Variants in C1orf105 observed in about 807,000 individuals in gnomAD.
C1orf105 encodes the protein chromosome 1 open reading frame 105.
A neutral mutation model predicts 20.8 loss-of-function variants in C1orf105; 17 were observed. The observed-to-expected ratio is 0.82, with a 90% CI of 0.56 to 1.23. The LOEUF (loss-of-function observed/expected upper bound fraction) is 1.23. C1orf105 is among the 50% of genes most tolerant of loss of function. C1orf105 has a pLI of 0.00. For missense variants in C1orf105, 219 were observed against 213.5 expected (o/e 1.03, Z -0.16); for synonymous variants, 72 against 72.1 (o/e 1.00, Z 0.01).
chr1:172,443,125 G>T, intron 1 of C1orf105: 1 of 168,170 alleles, frequency 5.9e-6, no homozygotes. Flanking sequence ...TGGTAAAAAA[G>T]CTGAGATTCA....
chr1:172,433,012 G>A (rs897152337), intron 1 of C1orf105, among the ~76,000 whole-genome samples: 9 of 152,152 alleles, frequency 5.9e-5, no homozygotes, highest in Admixed American at 5.2e-4. Flanking sequence ...GGAAGAAAAG[G>A]TATCAGTGAT....
chr1:172,446,632 G>C (rs1178102834), intron 2 of C1orf105, among the ~76,000 whole-genome samples: 1 of 152,206 alleles, frequency 6.6e-6, no homozygotes, highest in African/African-American at 2.4e-5. Flanking sequence ...CAGCAGCGAA[G>C]AGCAAAGTAT....
chr1:172,462,762 T>G (rs1220394859), intron 5 of C1orf105, among the ~76,000 whole-genome samples: 3 of 152,116 alleles, frequency 2.0e-5, no homozygotes, highest in Non-Finnish European at 4.4e-5. Flanking sequence ...TGTTTTGTTT[T>G]GTTTGGTTTG....
In C1orf105 at chr1:172,445,060, T is replaced by C. The variant is rs766307773; in HGVS notation, c.22-13T>C. The C allele has an allele frequency of 7.9e-5, 127 of 1,601,218 alleles. No homozygotes were observed. Among genetic ancestry groups the C allele is most frequent in the Non-Finnish European group, 1.0e-4 (118 of 1,170,398 alleles). On this transcript the variant is annotated splice_polypyrimidine_tract_variant and intron_variant, in intron 1 of 6. Transcript: ENST00000367727. ...GTGATATATTCTGTAAAATGTTCTC[T>C]ATTTCCCTCTAGGCTTCTGTTCCAA...
At chr1:172,435,089 A>C (rs1264934161) in intron 1 of C1orf105, among the ~76,000 whole-genome samples, 4 of 152,250 alleles carry the variant, frequency 2.6e-5, no homozygotes, top group African/African-American at 9.6e-5. Context: ...AGGCTCTGAA[A>C]TTGAAGAAAT....
intron 1 of C1orf105, among the ~76,000 whole-genome samples, chr1:172,433,224 C>G (rs569988758): frequency 1.3e-5 from 2 of 152,200 alleles, no homozygotes; most frequent in South Asian, 2.1e-4. Context: ...CAAGGCAGGC[C>G]AACATTCAAA....
chr1:172,429,282 C>T (rs888386720), intron 1 of C1orf105, among the ~76,000 whole-genome samples: 1 of 152,010 alleles, frequency 6.6e-6, no homozygotes, highest in African/African-American at 2.4e-5. Flanking sequence ...ACACACACAA[C>T]GTGCATAGCA....
chr1:172,453,551 G>A (rs979568932), intron 3 of C1orf105, among the ~76,000 whole-genome samples: 1 of 152,088 alleles, frequency 6.6e-6, no homozygotes, highest in African/African-American at 2.4e-5. Flanking sequence ...TCTATATTTA[G>A]ACCTCATAAT....
At chr1:172,433,930 C>T (rs1269845161) in intron 1 of C1orf105, among the ~76,000 whole-genome samples, 1 of 150,796 alleles carries the variant, frequency 6.6e-6, no homozygotes, top group Non-Finnish European at 1.5e-5. Context: ...AAATGGAAAG[C>T]AAAAAAAAGC....
chr1:172,438,930 T>C (rs571528691), intron 1 of C1orf105, among the ~76,000 whole-genome samples: 2 of 152,236 alleles, frequency 1.3e-5, no homozygotes, highest in African/African-American at 4.8e-5. Flanking sequence ...GCTCAGATGA[T>C]TGTTCGCATT....
chr1:172,466,568 TCACATACACACACACA>T (rs1468969386), intron 6 of C1orf105, among the ~76,000 whole-genome samples: 3 of 119,634 alleles, frequency 2.5e-5, no homozygotes, highest in East Asian at 2.5e-4. Context: ...AAGGAATGAA[TCACATACACACACACA>T]CACACACACA....
At chr1:172,429,356 GCTATTTAC>G (rs1298576555) in intron 1 of C1orf105, among the ~76,000 whole-genome samples, 1 of 152,150 alleles carries the variant, frequency 6.6e-6, no homozygotes, top group Non-Finnish European at 1.5e-5. Flanking sequence ...ACCCCAGTAT[GCTATTTAC>G]CTCCTGAATT....
chr1:172,442,154 G>C, intron 1 of C1orf105: 5 of 1,614,222 alleles, frequency 3.1e-6, no homozygotes, highest in Non-Finnish European at 4.2e-6. Context: ...TGGCCTAACA[G>C]CATGAAGACT....
intron 4 of C1orf105, among the ~76,000 whole-genome samples, chr1:172,461,764 C>A (rs1649709021): frequency 6.6e-6 from 1 of 152,106 alleles, no homozygotes; most frequent in African/African-American, 2.4e-5. Context: ...ATTAGGGAAC[C>A]CAGACATTAC....
chr1:172,459,871 A>G (rs912311152), intron 4 of C1orf105, among the ~76,000 whole-genome samples: 1 of 152,206 alleles, frequency 6.6e-6, no homozygotes, highest in Non-Finnish European at 1.5e-5. Context: ...ATCATAAAAA[A>G]GAATGAAATA....
chr1:172,452,342 T>C (rs1045567586), intron 3 of C1orf105, among the ~76,000 whole-genome samples: 100 of 152,176 alleles, frequency 6.6e-4, no homozygotes, highest in African/African-American at 2.3e-3. Flanking sequence ...AAGTGTCCTA[T>C]CAGGTCTCTC....
chr1:172,432,549 A>C (rs1205603512), intron 1 of C1orf105, among the ~76,000 whole-genome samples: 4 of 152,214 alleles, frequency 2.6e-5, no homozygotes, highest in African/African-American at 7.2e-5. Context: ...AAAACTAACA[A>C]ACAAAAAGGA....
intron 3 of C1orf105, among the ~76,000 whole-genome samples, chr1:172,448,850 T>C (rs1195657290): frequency 6.6e-6 from 1 of 152,144 alleles, no homozygotes; most frequent in Non-Finnish European, 1.5e-5. Context: ...ATCTGGAGTC[T>C]CTACTGCCTC....
intron 1 of C1orf105, among the ~76,000 whole-genome samples, chr1:172,426,766 G>A (rs760870363): frequency 2.0e-5 from 3 of 151,972 alleles, no homozygotes; most frequent in Non-Finnish European, 4.4e-5. Flanking sequence ...CTGTCCCTCA[G>A]CCCTCTGTCC....
Sources: gnomAD v4.1 joint callset for allele counts (sites outside exome capture counted in the v4.1 genomes callset) on GRCh38, gnomAD v4.1.1 for gene constraint, MANE v1.5 for transcripts, NCBI Gene and HGNC (gene_info 2026-07-23, HGNC 2026-07-21) for gene names.